MECOM: variants seen among roughly 807,000 people sequenced by gnomAD.
MECOM encodes histone-lysine N-methyltransferase MECOM.
MECOM carries 13 observed loss-of-function variants against 116.3 expected under a neutral mutation model. The observed-to-expected ratio is 0.11, with a 90% CI of 0.07 to 0.18. The LOEUF is 0.18. Among genes scored for constraint, MECOM ranks in the 10% least tolerant of loss-of-function variants. The probability of loss-of-function intolerance (pLI) is 1.00; values close to 1 mark genes in which losing one functional copy is unlikely to be tolerated. For missense variants in MECOM, 1,299 were observed against 1,509.0 expected, an observed-to-expected ratio of 0.86 and a Z score of 2.31; for synonymous variants, 528 against 535.2, an observed-to-expected ratio of 0.99 and a Z score of 0.19.
At chr3:169,411,578 T>G (rs986907576) in intron 1 of MECOM, among the ~76,000 whole-genome samples, 3 of 152,142 alleles carry the variant, frequency 2.0e-5, no homozygotes, top group African/African-American at 7.2e-5. Flanking sequence ...TAATCCAAAT[T>G]GCATATTGTG....
chr3:169,438,084 C>G (rs76985390), intron 1 of MECOM, among the ~76,000 whole-genome samples: 1 of 152,056 alleles, frequency 6.6e-6, no homozygotes, highest in Non-Finnish European at 1.5e-5. Context: ...GAAATTGAAG[C>G]AGTAATATTA....
chr3:169,481,384 C>T (rs1322885437), intron 1 of MECOM, among the ~76,000 whole-genome samples: 1 of 152,048 alleles, frequency 6.6e-6, no homozygotes. Flanking sequence ...GAAATTCAGT[C>T]TCTACTAAAA....
chr3:169,381,094 C>A, intron 2 of MECOM, 93 bp downstream of exon 2: 2 of 1,116,122 alleles, frequency 1.8e-6, no homozygotes, highest in South Asian at 3.3e-5. Flanking sequence ...CATATTGTAA[C>A]AAATATAATT....
chr3:169,232,370 T>C (rs1256399277), intron 2 of MECOM, among the ~76,000 whole-genome samples: 1 of 151,824 alleles, frequency 6.6e-6, no homozygotes, highest in Non-Finnish European at 1.5e-5. Context: ...CCAAGCATGA[T>C]ATAAGCAAAC....
intron 1 of MECOM, among the ~76,000 whole-genome samples, chr3:169,382,879 A>AAAAAAAAAAAG (rs1358767356): frequency 1.4e-5 from 2 of 138,508 alleles, no homozygotes; most frequent in African/African-American, 2.7e-5. Flanking sequence ...AAAAATAAAA[A>AAAAAAAAAAAG]AAGAAGGTAA....
At chr3:169,415,451 G>C (rs1007704791) in intron 1 of MECOM, among the ~76,000 whole-genome samples, 4 of 152,090 alleles carry the variant, frequency 2.6e-5, no homozygotes, top group African/African-American at 7.2e-5. Context: ...AAAGATCATC[G>C]ACACTATGAA....
intron 2 of MECOM, among the ~76,000 whole-genome samples, chr3:169,299,174 A>G (rs550066856): frequency 2.6e-5 from 4 of 152,186 alleles, no homozygotes; most frequent in East Asian, 3.9e-4. Context: ...ATTTCCACCT[A>G]TAGTCATTAC....
chr3:169,261,900 A>C (rs763110921), intron 2 of MECOM, among the ~76,000 whole-genome samples: 2 of 152,240 alleles, frequency 1.3e-5, no homozygotes, highest in Non-Finnish European at 1.5e-5. Context: ...TCATTTTCTA[A>C]ATACTGACTC....
At chr3:169,390,103 C>T (rs1733987939) in intron 1 of MECOM, among the ~76,000 whole-genome samples, 1 of 152,112 alleles carries the variant, frequency 6.6e-6, no homozygotes, top group South Asian at 2.1e-4. Flanking sequence ...CCTTGAGAGG[C>T]AGAGGCTGAG....
chr3:169,544,013 G>A (rs999283500), intron 1 of MECOM, among the ~76,000 whole-genome samples: 1 of 152,160 alleles, frequency 6.6e-6, no homozygotes, highest in Non-Finnish European at 1.5e-5. Context: ...AACCTCCCAA[G>A]TAGCTGGGAT....
chr3:169,303,340 G>GAT lies in MECOM; in HGVS notation c.375+77845_375+77846dup, dbSNP rs148215690. Among the ~76,000 whole-genome samples the GAT allele has an allele frequency of 2.0e-3, 303 of 149,720 alleles. 1 individual carries two copies. The highest frequency in any genetic ancestry group is 9.8e-3 in the East Asian group (50 of 5,116). ...TTCATGGCTAACCCAACTTGAAACA[G>GAT]ATATATATATATATATCACACTACT... On this transcript the variant is annotated intron_variant, in intron 2 of 16. Coordinates refer to ENST00000651503, the MANE Select transcript of MECOM (RefSeq NM_004991.4).
intron 2 of MECOM, among the ~76,000 whole-genome samples, chr3:169,333,714 A>C (rs1349757985): frequency 6.6e-6 from 1 of 152,174 alleles, no homozygotes; most frequent in South Asian, 2.1e-4. Flanking sequence ...AAATCAATAT[A>C]AAACAAACAA....
chr3:169,206,714 C>T (rs1272525602), intron 2 of MECOM, among the ~76,000 whole-genome samples: 3 of 149,014 alleles, frequency 2.0e-5, no homozygotes, highest in South Asian at 2.1e-4. Flanking sequence ...GATTGCACCA[C>T]GCACTCCAGC....
intron 1 of MECOM, among the ~76,000 whole-genome samples, chr3:169,579,862 C>A (rs1764914161): frequency 6.6e-6 from 1 of 152,170 alleles, no homozygotes; most frequent in Non-Finnish European, 1.5e-5. Flanking sequence ...GAATGCCATG[C>A]AACATTTGAG....
At chr3:169,594,942 G>A (rs1345616487) in intron 1 of MECOM, among the ~76,000 whole-genome samples, 2 of 150,350 alleles carry the variant, frequency 1.3e-5, no homozygotes, top group Non-Finnish European at 2.9e-5. Context: ...AGGGAGGGCT[G>A]GACTGATTTA....
At chr3:169,565,892 CAGTT>C (rs1763174223) in intron 1 of MECOM, 1 of 425,422 alleles carries the variant, frequency 2.4e-6, no homozygotes, top group Non-Finnish European at 4.6e-6. Context: ...CCTGGTGGAT[CAGTT>C]AGTTTTCACA....
At chr3:169,365,925 C>A (rs944224706) in intron 2 of MECOM, among the ~76,000 whole-genome samples, 1 of 151,984 alleles carries the variant, frequency 6.6e-6, no homozygotes, top group Non-Finnish European at 1.5e-5. Context: ...ATTTATCTAT[C>A]AAGCATCTAT....
intron 1 of MECOM, among the ~76,000 whole-genome samples, chr3:169,652,336 T>C (rs1775022856): frequency 6.6e-6 from 1 of 152,256 alleles, no homozygotes; most frequent in Non-Finnish European, 1.5e-5. Context: ...ATTTTATTAC[T>C]AATTTCATAG....
At position 169,323,934 on chromosome 3, in the gene MECOM, T is replaced by A. The variant is rs564975753; in HGVS notation, c.375+57253A>T. ...AGAGGAAAAAAGCCTCCTTGGCTAT[T>A]TTTCAGCACACTAACATCTCTTCTG... is the stretch of plus-strand genomic sequence containing the variant. On this transcript the variant is annotated intron_variant, in intron 2 of 16. Transcript: ENST00000651503. 2.0e-4 allele frequency among the ~76,000 whole-genome samples: 30 copies of A among 152,246 alleles called. No individual in the cohort carries two copies. In the South Asian group the frequency reaches 6.2e-3, roughly 32 times the overall value.
Sources: gnomAD v4.1 joint callset for allele counts (sites outside exome capture counted in the v4.1 genomes callset) on GRCh38, gnomAD v4.1.1 for gene constraint, MANE v1.5 for transcripts, NCBI Gene and HGNC (gene_info 2026-07-23, HGNC 2026-07-21) for gene names.